Variants in AP1G1 observed in about 807,000 individuals in gnomAD.
AP1G1 encodes the protein AP-1 complex subunit gamma-1.
A neutral mutation model predicts 108.3 loss-of-function variants in AP1G1; 7 were observed. The ratio of observed to expected loss-of-function variants is 0.06; its 90% CI spans 0.04 to 0.12. The LOEUF (loss-of-function observed/expected upper bound fraction) is 0.12, where lower values mean the gene tolerates loss of function less well. AP1G1 is among the 10% of genes least tolerant of loss of function. AP1G1 has a pLI of 1.00. For missense variants in AP1G1, 756 were observed against 1,010.7 expected (o/e 0.75, Z 3.42); for synonymous variants, 379 against 353.5 (o/e 1.07, Z -0.81).
intron 15 of AP1G1, among the ~76,000 whole-genome samples, chr16:71,748,834 G>T (rs1226705378): frequency 6.6e-6 from 1 of 152,078 alleles, no homozygotes; most frequent in Non-Finnish European, 1.5e-5. Flanking sequence ...CTAGGACAGA[G>T]ACTTGGGCCT....
In AP1G1 at chr16:71,731,156, A is replaced by C. The variant is rs1042464525; in HGVS notation, c.*1902T>G. On this transcript the variant is annotated 3_prime_UTR_variant, in exon 23 of 23. Transcript: ENST00000299980. ...CTATTTTTCATTGCACAGGCAGAGC[A>C]GTTGTCTGAAATATGCACTAGTCCA... 3.3e-5 allele frequency: 5 copies of C among 152,530 alleles called. No homozygotes were observed. The highest frequency in any genetic ancestry group is 4.8e-5 in the African/African-American group (2 of 41,476). The allele number at this position is 152,530 out of a possible 1,614,324, so 9.4% of individuals were successfully genotyped here. A position where few individuals can be genotyped will look rare whatever the true frequency, so the allele number is the denominator to read the frequency against.
At chr16:71,778,316 G>C (rs552143548) in intron 2 of AP1G1, among the ~76,000 whole-genome samples, 1 of 152,290 alleles carries the variant, frequency 6.6e-6, no homozygotes, top group East Asian at 1.9e-4. Flanking sequence ...TCCAGTGATG[G>C]ATTAACTCTG....
intron 1 of AP1G1, among the ~76,000 whole-genome samples, chr16:71,792,266 G>A (rs976520128): frequency 5.3e-5 from 8 of 152,108 alleles, no homozygotes; most frequent in African/African-American, 1.9e-4. Context: ...TCCAAACACA[G>A]GCAGGTCAAA....
chr16:71,774,474 A>G lies in AP1G1; in HGVS notation c.320T>C (p.Ile107Thr). The G allele has an allele frequency of 6.3e-7, 1 of 1,596,246 alleles. No individual in the cohort carries two copies. Among genetic ancestry groups the G allele is most frequent in the East Asian group, 2.2e-5 (1 of 44,680 alleles). The change falls in exon 3 of 23, where the codon ATC becomes ACC. Residue 107 changes from isoleucine to threonine, a missense_variant. Ile to Thr is a moderately conservative substitution (Grantham distance 89). Coordinates refer to ENST00000299980, the MANE Select transcript of AP1G1 (RefSeq NM_001128.6). ...AAAGAAAAGTAAGACTTACTTCTTG[A>G]TACAGTTGGTCATGAGAAGATGGAC... ...QDVHLLMTNC[I>T]KNDLNHSTQF...
At chr16:71,787,789 T>C (rs1473827390) in intron 2 of AP1G1, among the ~76,000 whole-genome samples, 1 of 152,228 alleles carries the variant, frequency 6.6e-6, no homozygotes, top group Non-Finnish European at 1.5e-5. Flanking sequence ...CATCAGAGCC[T>C]CAGGGTTTCA....
Position 71,789,100 on chromosome 16 carries a change from T to C in AP1G1, c.201+179A>G, listed in dbSNP as rs115337893. On this transcript the variant is annotated intron_variant, in intron 2 of 22. Coordinates refer to ENST00000299980, the MANE Select transcript of AP1G1 (RefSeq NM_001128.6). Reference sequence around the variant, plus strand: ...ATGAGACTCCCAGTGGAAAGGATAATTGATAGCAATATCATGCCTTTCCAG... The same window carrying C: ...ATGAGACTCCCAGTGGAAAGGATAACTGATAGCAATATCATGCCTTTCCAG... Among the ~76,000 whole-genome samples, 665 of 152,348 alleles carry C rather than the reference T, an allele frequency of 4.4e-3. 11 individuals are homozygous for C. The highest frequency in any genetic ancestry group is 0.015 in the African/African-American group (642 of 41,588).
At chr16:71,767,224 G>C (rs1375638411) in intron 6 of AP1G1, among the ~76,000 whole-genome samples, 1 of 152,138 alleles carries the variant, frequency 6.6e-6, no homozygotes, top group Non-Finnish European at 1.5e-5. Flanking sequence ...ATGACTAAAT[G>C]TTCAGCATAC....
intron 2 of AP1G1, among the ~76,000 whole-genome samples, chr16:71,788,216 T>A (rs971904064): frequency 2.6e-5 from 4 of 152,224 alleles, no homozygotes; most frequent in Non-Finnish European, 5.9e-5. Context: ...CTGATGACTA[T>A]CTTTCCTGAT....
chr16:71,777,784 C>T (rs2031847749), intron 2 of AP1G1: 1 of 434,012 alleles, frequency 2.3e-6, no homozygotes, highest in Non-Finnish European at 4.8e-6. Context: ...CCTTCTCCTT[C>T]AGGTCCTTGG....
chr16:71,780,401 A>T (rs2031968348), intron 2 of AP1G1, among the ~76,000 whole-genome samples: 1 of 151,780 alleles, frequency 6.6e-6, no homozygotes, highest in Non-Finnish European at 1.5e-5. Context: ...CTCAGGCACC[A>T]GGATCGCTTG....
In AP1G1 at chr16:71,762,244, G is replaced by C. The variant is rs149750692; in HGVS notation, c.919-677C>G. 8.7e-3 allele frequency among the ~76,000 whole-genome samples: 1,325 copies of C among 152,114 alleles called. 13 individuals are homozygous for C. The highest frequency in any genetic ancestry group is 0.03 in the African/African-American group (1,225 of 41,512). ...GAAGACATTATGTTAAATGAAATAA[G>C]ATAATCTGCTTTTCAAAAGGATAAA... On this transcript the variant is annotated intron_variant, in intron 9 of 22. Transcript: ENST00000299980.
chr16:71,733,951 C>T (rs993516646), intron 22 of AP1G1, among the ~76,000 whole-genome samples: 3 of 152,202 alleles, frequency 2.0e-5, no homozygotes, highest in African/African-American at 7.2e-5. Flanking sequence ...ACATTTTTTA[C>T]TCTCTGTATC....
intron 1 of AP1G1, among the ~76,000 whole-genome samples, chr16:71,791,763 C>CTT (rs34099153): frequency 0.012 from 1,370 of 113,320 alleles, 25 homozygotes; most frequent in Non-Finnish European, 0.016. Flanking sequence ...TAAACTCTGA[C>CTT]TTTTTTTTTT....
intron 1 of AP1G1, among the ~76,000 whole-genome samples, chr16:71,793,810 A>G (rs906959817): frequency 1.3e-5 from 2 of 152,098 alleles, no homozygotes; most frequent in Non-Finnish European, 2.9e-5. Context: ...CCTTGGCTCA[A>G]GCGATCCTCC....
intron 1 of AP1G1, among the ~76,000 whole-genome samples, chr16:71,805,239 G>T (rs1177869588): frequency 6.6e-5 from 10 of 152,120 alleles, no homozygotes; most frequent in Admixed American, 6.5e-4. Flanking sequence ...CTTGAGCTCA[G>T]GAGTTCGAGA....
intron 13 of AP1G1, chr16:71,751,261 A>G (rs2030487555): frequency 6.6e-6 from 1 of 151,886 alleles, no homozygotes; most frequent in African/African-American, 2.4e-5. Flanking sequence ...AAGCAAGATG[A>G]CTGCTTGAGG....
Position 71,789,300 on chromosome 16 carries a change from G to C in AP1G1, c.180C>G (p.Gly60=). ...VAKLLYMHML[G]YPAHFGQLEC... is the part of the protein sequence containing the mutation. The stretch of plus-strand genomic sequence containing the variant: ...CTACCTGTCCAAAGTGAGCAGGGTA[G>C]CCCAGCATGTGCATATACAGTAATT... The change falls in exon 2 of 23, where the codon GGC becomes GGG. Residue 60 remains glycine, a synonymous_variant. Coordinates refer to ENST00000299980, the MANE Select transcript of AP1G1 (RefSeq NM_001128.6). The C allele has an allele frequency of 6.2e-7, 1 of 1,614,016 alleles. No individual in the cohort carries two copies. The highest frequency in any genetic ancestry group is 1.3e-5 in the African/African-American group (1 of 75,056).
chr16:71,785,421 C>A (rs781108309), intron 2 of AP1G1, among the ~76,000 whole-genome samples: 2 of 151,338 alleles, frequency 1.3e-5, no homozygotes, highest in Non-Finnish European at 2.9e-5. Context: ...ACCAAAAATA[C>A]AAAAATTAGC....
At chr16:71,757,487 C>A (rs548353524) in intron 11 of AP1G1, among the ~76,000 whole-genome samples, 2 of 152,106 alleles carry the variant, frequency 1.3e-5, no homozygotes, top group South Asian at 4.1e-4. Context: ...ATACTTTCAT[C>A]TTAGCTAACA....
Sources: gnomAD v4.1 joint callset for allele counts (sites outside exome capture counted in the v4.1 genomes callset) on GRCh38, gnomAD v4.1.1 for gene constraint, MANE v1.5 for transcripts, NCBI Gene and HGNC (gene_info 2026-07-23, HGNC 2026-07-21) for gene names.